CACNA1E: variants seen among roughly 807,000 people sequenced by gnomAD.
CACNA1E encodes the protein calcium voltage-gated channel subunit alpha1 E.
CACNA1E carries 40 observed loss-of-function variants against 259.2 expected under a neutral mutation model. The ratio of observed to expected loss-of-function variants is 0.15; its 90% CI spans 0.12 to 0.20. CACNA1E has a LOEUF of 0.20. Ranked by LOEUF, CACNA1E falls within the 10% of genes least tolerant of loss-of-function variation. The pLI is 1.00. For synonymous variants in CACNA1E, 1,104 were observed against 1,138.5 expected (o/e 0.97, Z 0.61); for missense variants, 1,874 against 3,040.1 (o/e 0.62, Z 9.02).
At chr1:181,615,985 C>A (rs962263642) in intron 6 of CACNA1E, among the ~76,000 whole-genome samples, 2 of 152,130 alleles carry the variant, frequency 1.3e-5, no homozygotes, top group Admixed American at 1.3e-4. Context: ...GCAGCTATTG[C>A]ACTGATCATG....
intron 3 of CACNA1E, among the ~76,000 whole-genome samples, chr1:181,517,619 A>C (rs984783127): frequency 6.6e-6 from 1 of 151,826 alleles, no homozygotes; most frequent in Non-Finnish European, 1.5e-5. Flanking sequence ...GGGGAGGCAG[A>C]GGAAAAGGGA....
At position 181,325,873 on chromosome 1, in the gene CACNA1E, G is replaced by A. The variant is rs7544691; in HGVS notation, c.-15+7750G>A. On this transcript the variant is annotated intron_variant, in intron 1 of 11. Transcript: ENST00000524607. ...TCCTGTTCCTTCCTCTGGTGAGGCC[G>A]GCGCTCCCCTCCCAGGCCGCAGGGG... 7.3e-3 allele frequency among the ~76,000 whole-genome samples: 1,109 copies of A among 152,158 alleles called. 18 individuals are homozygous for A. Among genetic ancestry groups the A allele is most frequent in the African/African-American group, 0.025 (1,052 of 41,488 alleles).
chr1:181,581,206 G>T (rs1282955274), intron 6 of CACNA1E, among the ~76,000 whole-genome samples: 1 of 151,478 alleles, frequency 6.6e-6, no homozygotes, highest in East Asian at 1.9e-4. Flanking sequence ...AGAACAAAAA[G>T]AAAAGAAAAA....
rs188209969 is a variant in CACNA1E at position 181,367,072 on chromosome 1, G to A, written c.-14-46061G>A. 4.6e-5 allele frequency among the ~76,000 whole-genome samples: 7 copies of A among 152,268 alleles called. No homozygotes were observed. In the East Asian group the frequency reaches 5.8e-4, roughly 13 times the overall value. On this transcript the variant is annotated intron_variant, in intron 1 of 11. Transcript: ENST00000524607. ...AGCTACCGATGGGTGGGCCCAGAGC[G>A]GGCCCTGGACACCTGGCTTCCTGGG...
chr1:181,580,646 C>T lies in CACNA1E; in HGVS notation c.821C>T (p.Pro274Leu). Residue 274 changes from proline to leucine, a missense_variant, in exon 6 of 48, where the codon CCA becomes CTA. Physicochemically the swap from Pro to Leu is moderately conservative, Grantham distance 98. Transcript: ENST00000367573. Reference sequence around the variant, plus strand: ...CACCCATGTGGTGTGCAGGGCTGCCCAGCTGGTTATGAATGCAAGGACTGG... The same window carrying T: ...CACCCATGTGGTGTGCAGGGCTGCCTAGCTGGTTATGAATGCAAGGACTGG... The part of the protein sequence containing the change: ...PPHPCGVQGC[P>L]AGYECKDWIG... 1 of 1,614,044 alleles carries T rather than the reference C, an allele frequency of 6.2e-7. No individual in the cohort carries two copies. The highest frequency in any genetic ancestry group is 8.5e-7 in the Non-Finnish European group (1 of 1,179,882).
intron 12 of CACNA1E, among the ~76,000 whole-genome samples, chr1:181,719,167 A>G (rs947935340): frequency 1.3e-5 from 2 of 152,244 alleles, no homozygotes; most frequent in Admixed American, 6.5e-5. Flanking sequence ...TTCTCCTAGC[A>G]CAATATCTAG....
intron 6 of CACNA1E, among the ~76,000 whole-genome samples, chr1:181,583,898 C>A (rs1472679577): frequency 1.3e-5 from 2 of 152,154 alleles, no homozygotes; most frequent in Non-Finnish European, 2.9e-5. Context: ...CCAAAGGTCT[C>A]CTCGACTTGC....
At chr1:181,385,900 T>C (rs970836435) in intron 1 of CACNA1E, among the ~76,000 whole-genome samples, 1 of 150,874 alleles carries the variant, frequency 6.6e-6, no homozygotes, top group African/African-American at 2.4e-5. Context: ...CCTTCCTTCA[T>C]TTATTTTACT....
intron 2 of CACNA1E, among the ~76,000 whole-genome samples, chr1:181,434,388 T>C (rs1259445707): frequency 8.9e-6 from 1 of 112,972 alleles, no homozygotes; most frequent in African/African-American, 4.1e-5. Flanking sequence ...TACTTACTAC[T>C]GGCCAATTTT....
At chr1:181,777,206 C>T (rs534923195) in intron 38 of CACNA1E, among the ~76,000 whole-genome samples, 1 of 152,340 alleles carries the variant, frequency 6.6e-6, no homozygotes, top group Admixed American at 6.5e-5. Flanking sequence ...TCTATGAATG[C>T]TTACTCCAAA....
chr1:181,527,141 G>C (rs1667420986), intron 3 of CACNA1E, among the ~76,000 whole-genome samples: 1 of 152,192 alleles, frequency 6.6e-6, no homozygotes, highest in Non-Finnish European at 1.5e-5. Context: ...CATAGACCAG[G>C]TGGCTTATAA....
chr1:181,776,275 T>C lies in CACNA1E; in HGVS notation c.5267+47T>C, dbSNP rs773484871. 6.2e-7 allele frequency: 1 copy of C among 1,602,664 alleles called. No individual in the cohort carries two copies. The highest frequency in any genetic ancestry group is 1.1e-5 in the South Asian group (1 of 90,814). ...CCCAGCGGGGCCCAGAGCAAAGGTC[T>C]CTGGAGTTCCCAGGGAAGAGGCTGG... On this transcript the variant is annotated intron_variant, in intron 38 of 47. Transcript: ENST00000367573. The surrounding 1 kb of genome is among the most constrained non-coding windows in gnomAD (Gnocchi z 4.4).
At chr1:181,426,688 A>ACTCAACCCCTTCCCAT (rs1338971847) in intron 2 of CACNA1E, among the ~76,000 whole-genome samples, 4 of 57,906 alleles carry the variant, frequency 6.9e-5, no homozygotes, top group Admixed American at 1.8e-4. Flanking sequence ...CCCCTTCACA[A>ACTCAACCCCTTCCCAT]CTCAACCCCT....
chr1:181,596,325 A>G (rs1653153053), intron 6 of CACNA1E, among the ~76,000 whole-genome samples: 1 of 152,224 alleles, frequency 6.6e-6, no homozygotes. Flanking sequence ...ACAGCCTAGG[A>G]GTGCAGATTG....
At chr1:181,571,105 A>G (rs1299113487) in intron 3 of CACNA1E, among the ~76,000 whole-genome samples, 1 of 151,792 alleles carries the variant, frequency 6.6e-6, no homozygotes, top group African/African-American at 2.4e-5. Context: ...TATGTGCAGA[A>G]CTTTACAAGC....
At chr1:181,445,543 G>C (rs1660740919) in intron 2 of CACNA1E, among the ~76,000 whole-genome samples, 1 of 152,200 alleles carries the variant, frequency 6.6e-6, no homozygotes, top group African/African-American at 2.4e-5. Context: ...ATTGGTAGGT[G>C]AGCTTCTGTC....
chr1:181,739,869 CATA>C (rs967662143), intron 25 of CACNA1E, among the ~76,000 whole-genome samples: 3 of 152,170 alleles, frequency 2.0e-5, no homozygotes, highest in Admixed American at 6.5e-5. Context: ...AAATCATGTT[CATA>C]ATATTTGTGG....
intron 7 of CACNA1E, among the ~76,000 whole-genome samples, chr1:181,671,177 G>T (rs1162691206): frequency 1.3e-5 from 2 of 152,134 alleles, no homozygotes. Flanking sequence ...GGGACTACAG[G>T]TGCATATCAC....
intron 37 of CACNA1E, among the ~76,000 whole-genome samples, chr1:181,774,351 G>A (rs921663768): frequency 6.6e-6 from 1 of 152,228 alleles, no homozygotes; most frequent in Non-Finnish European, 1.5e-5. Flanking sequence ...AGTTGAACAA[G>A]TTCACTGTGG....
Sources: allele counts gnomAD v4.1 joint callset (sites outside exome capture counted in the v4.1 genomes callset), GRCh38; gene constraint gnomAD v4.1.1; non-coding constraint Gnocchi (gnomAD v3.1); transcripts MANE v1.5; gene names NCBI Gene and HGNC (gene_info 2026-07-23, HGNC 2026-07-21).